ARHGEF10L: variants seen among roughly 807,000 people sequenced by gnomAD.
ARHGEF10L encodes rho guanine nucleotide exchange factor 10-like protein.
In ARHGEF10L, 69 loss-of-function variants were observed where a neutral mutation model predicts 141.2. That is an observed-to-expected ratio of 0.49 (90% CI 0.40 to 0.60). ARHGEF10L has a LOEUF of 0.60. Ranked by LOEUF, ARHGEF10L falls within the 20% of genes least tolerant of loss-of-function variation. ARHGEF10L has a pLI of 0.00. For synonymous variants in ARHGEF10L, 711 were observed against 718.5 expected (o/e 0.99, Z 0.17); for missense variants, 1,482 against 1,734.3 (o/e 0.85, Z 2.58).
intron 9 of ARHGEF10L, 78 bp downstream of exon 9, chr1:17,616,280 C>T (rs1387718379): frequency 1.6e-6 from 2 of 1,248,538 alleles, no homozygotes; most frequent in Non-Finnish European, 2.3e-6. Context: ...TTGCTTTACA[C>T]CCCAGAGGTC....
intron 8 of ARHGEF10L, among the ~76,000 whole-genome samples, chr1:17,613,662 A>G (rs777719387): frequency 2.6e-5 from 4 of 152,284 alleles, no homozygotes; most frequent in Non-Finnish European, 4.4e-5. Context: ...AGAGGAATCC[A>G]GGATAAGGAA....
chr1:17,521,138 T>G, the ARHGEF10L span, among the ~76,000 whole-genome samples: 3 of 152,236 alleles, frequency 2.0e-5, no homozygotes, highest in African/African-American at 7.2e-5. Context: ...CTCTGACAGG[T>G]GGCTGTTTAG....
chr1:17,598,979 C>T (rs546425585), intron 4 of ARHGEF10L, among the ~76,000 whole-genome samples: 1 of 152,210 alleles, frequency 6.6e-6, no homozygotes, highest in Admixed American at 6.5e-5. Flanking sequence ...GTAATTGAAA[C>T]TTTGTGAGGC....
chr1:17,524,770 G>A, the ARHGEF10L span, among the ~76,000 whole-genome samples: 1 of 152,150 alleles, frequency 6.6e-6, no homozygotes, highest in African/African-American at 2.4e-5. Flanking sequence ...ATCATGTTGA[G>A]AGGCAGCTCC....
chr1:17,638,841 G>A, intron 20 of ARHGEF10L, 152 bp downstream of exon 20: 2 of 1,145,626 alleles, frequency 1.7e-6, no homozygotes, highest in Middle Eastern at 3.0e-4. Context: ...GTCTGGGATA[G>A]CATCTGGCAC....
chr1:17,520,630 G>A, the ARHGEF10L span, among the ~76,000 whole-genome samples: 3 of 152,214 alleles, frequency 2.0e-5, no homozygotes, highest in Admixed American at 2.0e-4. Context: ...CCTTGGGATG[G>A]ACTCTGTGAG....
chr1:17,555,436 C>A (rs2077269686), intron 1 of ARHGEF10L, among the ~76,000 whole-genome samples: 2 of 151,644 alleles, frequency 1.3e-5, no homozygotes, highest in Non-Finnish European at 2.9e-5. Flanking sequence ...GATCTCAGCT[C>A]ATTGCAACCT....
rs940922349 is a variant in ARHGEF10L at position 17,603,098 on chromosome 1, G to C, written c.350-410G>C. 6.6e-6 allele frequency among the ~76,000 whole-genome samples: 1 copy of C among 152,040 alleles called. No homozygotes were observed. The highest frequency in any genetic ancestry group is 6.5e-5 in the Admixed American group (1 of 15,272). On this transcript the variant is annotated intron_variant, in intron 5 of 28. Coordinates refer to ENST00000361221, the MANE Select transcript of ARHGEF10L (RefSeq NM_018125.4). The surrounding 1 kb of genome is among the most constrained non-coding windows in gnomAD (Gnocchi z 4.8). ...TCAAGGACCGGCTCCCATCAGGGGT[G>C]GGGGCTGGTTTTCCAAGTCCTAGCA...
rs973746661 is a variant in ARHGEF10L, at chr1:17,573,774, A to G, written c.-43-6779A>G. On this transcript the variant is annotated intron_variant, in intron 1 of 28. Transcript: ENST00000361221. This position sits in a 1 kb window ranked among gnomAD's most constrained non-coding sequence, Gnocchi z 4.8. ...GACCTACTCCCAGGGCCCCCTCCCC[A>G]GTGCTCCCCACTCTTCCTGCCTGCA... Among the ~76,000 whole-genome samples, 36 of 150,766 alleles carry G rather than the reference A, an allele frequency of 2.4e-4. No homozygotes were observed. The highest frequency in any genetic ancestry group is 4.9e-4 in the Non-Finnish European group (33 of 67,514).
Position 17,554,012 on chromosome 1 carries a change from G to T in ARHGEF10L, c.-44+14062G>T, listed in dbSNP as rs2077209289. 2.0e-5 allele frequency among the ~76,000 whole-genome samples: 3 copies of T among 152,180 alleles called. No individual in the cohort carries two copies. The South Asian group carries it at 6.2e-4, about 32-fold the overall frequency. ...GTGATTGCATGACCTGTATATGAAA[G>T]CTGGACTTCAAAGACCAGAGGAAGT... On this transcript the variant is annotated intron_variant, in intron 1 of 28. Transcript: ENST00000361221.
intron 26 of ARHGEF10L, among the ~76,000 whole-genome samples, chr1:17,679,098 C>G (rs1185729556): frequency 1.3e-5 from 2 of 152,182 alleles, no homozygotes; most frequent in African/African-American, 2.4e-5. Flanking sequence ...TTGCAGGCTC[C>G]CATGATGGCC....
the ARHGEF10L span, among the ~76,000 whole-genome samples, chr1:17,526,484 A>G: frequency 1.3e-5 from 2 of 152,180 alleles, no homozygotes; most frequent in Non-Finnish European, 2.9e-5. Flanking sequence ...ACTTGGTCTC[A>G]CTGAGGTGTT....
At chr1:17,630,414 C>G (rs886378513) in intron 15 of ARHGEF10L, among the ~76,000 whole-genome samples, 26 of 152,194 alleles carry the variant, frequency 1.7e-4, no homozygotes, top group African/African-American at 6.0e-4. Flanking sequence ...GCCCTTGGGG[C>G]GGGGGGCCCT....
chr1:17,658,566 T>C (rs2062416013), intron 25 of ARHGEF10L, among the ~76,000 whole-genome samples: 1 of 152,202 alleles, frequency 6.6e-6, no homozygotes, highest in Non-Finnish European at 1.5e-5. Context: ...ACATGGGGTC[T>C]GAAGGCTGAG....
chr1:17,632,886 G>A (rs1208488297), intron 16 of ARHGEF10L, among the ~76,000 whole-genome samples: 3 of 152,204 alleles, frequency 2.0e-5, no homozygotes, highest in African/African-American at 7.2e-5. Flanking sequence ...CCACAGACCG[G>A]AGCATCATCA....
At chr1:17,570,807 G>A (rs78928019) in intron 1 of ARHGEF10L, among the ~76,000 whole-genome samples, 3,924 of 152,082 alleles carry the variant, frequency 0.026, 162 homozygotes, top group African/African-American at 0.088. Context: ...CTGGGCGTAT[G>A]TTGAAGGTAG....
At chr1:17,583,232 A>T (rs893023760) in intron 2 of ARHGEF10L, among the ~76,000 whole-genome samples, 2 of 145,060 alleles carry the variant, frequency 1.4e-5, no homozygotes, top group Non-Finnish European at 3.0e-5. Flanking sequence ...AAGAAGGTGT[A>T]GAAATGACCT....
intron 11 of ARHGEF10L, among the ~76,000 whole-genome samples, chr1:17,622,534 C>T (rs2060159664): frequency 6.6e-6 from 1 of 152,130 alleles, no homozygotes; most frequent in Non-Finnish European, 1.5e-5. Flanking sequence ...ATGATACCCT[C>T]TCTTCCCCTC....
chr1:17,630,983 G>C (rs750743286), intron 15 of ARHGEF10L, among the ~76,000 whole-genome samples: 1 of 151,562 alleles, frequency 6.6e-6, no homozygotes, highest in African/African-American at 2.4e-5. Flanking sequence ...GGGGATGCTC[G>C]GGGTGATCTG....
Sources: gnomAD v4.1 joint callset for allele counts (sites outside exome capture counted in the v4.1 genomes callset) on GRCh38, gnomAD v4.1.1 for gene constraint, Gnocchi (gnomAD v3.1) non-coding constraint, MANE v1.5 for transcripts, NCBI Gene and HGNC (gene_info 2026-07-23, HGNC 2026-07-21) for gene names.